Variants in JAM3 observed in about 807,000 individuals in gnomAD.
The protein encoded by JAM3 is junctional adhesion molecule C.
Under a neutral mutation model 39.4 loss-of-function variants are expected in JAM3, and 31 were observed. That is an observed-to-expected ratio of 0.79 (90% CI 0.59 to 1.06). The LOEUF (loss-of-function observed/expected upper bound fraction) is 1.06. Ranked by LOEUF, JAM3 falls within the 50% of genes least tolerant of loss-of-function variation. The pLI is 0.00. For missense variants in JAM3, 455 were observed against 391.4 expected (o/e 1.16, Z -1.37); for synonymous variants, 182 against 148.7 (o/e 1.22, Z -1.63).
At chr11:134,116,724 G>T (rs1228831498) in intron 1 of JAM3, among the ~76,000 whole-genome samples, 3 of 151,808 alleles carry the variant, frequency 2.0e-5, no homozygotes, top group African/African-American at 2.4e-5. Flanking sequence ...TGGTTATCAG[G>T]TGTCACTGCT....
chr11:134,143,233 C>G (rs1329563732), intron 3 of JAM3, among the ~76,000 whole-genome samples: 1 of 152,184 alleles, frequency 6.6e-6, no homozygotes, highest in Non-Finnish European at 1.5e-5. Flanking sequence ...TTCCCACATC[C>G]TTACCAACAC....
At chr11:134,122,347 G>A (rs1488546038) in intron 1 of JAM3, among the ~76,000 whole-genome samples, 1 of 152,176 alleles carries the variant, frequency 6.6e-6, no homozygotes, top group African/African-American at 2.4e-5. Flanking sequence ...TACTGAGAAT[G>A]TAATATTTAG....
intron 1 of JAM3, among the ~76,000 whole-genome samples, chr11:134,125,889 C>T (rs534329516): frequency 5.3e-5 from 8 of 152,148 alleles, no homozygotes; most frequent in African/African-American, 1.9e-4. Flanking sequence ...AGAAAAAGCA[C>T]CCCGATGGGT....
intron 1 of JAM3, among the ~76,000 whole-genome samples, chr11:134,111,066 C>G (rs545304382): frequency 7.0e-6 from 1 of 142,162 alleles, no homozygotes; most frequent in Admixed American, 7.2e-5. Flanking sequence ...TGAATTAATT[C>G]TTTGTTCTCA....
chr11:134,080,573 T>C (rs921334072), intron 1 of JAM3, among the ~76,000 whole-genome samples: 2 of 152,202 alleles, frequency 1.3e-5, no homozygotes, highest in African/African-American at 4.8e-5. Flanking sequence ...TCTCTTCTCT[T>C]GTCTGTCGCC....
chr11:134,095,985 ATTTG>A (rs1941975147), intron 1 of JAM3, among the ~76,000 whole-genome samples: 1 of 151,944 alleles, frequency 6.6e-6, no homozygotes, highest in Admixed American at 6.6e-5. Context: ...TTATTTATTT[ATTTG>A]TTTTTTTGAG....
At chr11:134,137,190 T>C (rs1384225492) in intron 1 of JAM3, among the ~76,000 whole-genome samples, 3 of 152,280 alleles carry the variant, frequency 2.0e-5, no homozygotes, top group Admixed American at 2.0e-4. Flanking sequence ...GAAGTGACGA[T>C]TGCCATTATT....
chr11:134,078,358 G>T, intron 1 of JAM3, among the ~76,000 whole-genome samples: 1 of 152,152 alleles, frequency 6.6e-6, no homozygotes, highest in East Asian at 1.9e-4. Flanking sequence ...GACCTCAGGT[G>T]ATCCACCTGC....
At chr11:134,123,996 A>G in intron 1 of JAM3, 1 of 1,514,594 alleles carries the variant, frequency 6.6e-7, no homozygotes, top group Non-Finnish European at 9.2e-7. Flanking sequence ...AAGTGCAACC[A>G]GCACAGGTGC....
chr11:134,090,059 GTGA>G lies in JAM3; in HGVS notation c.76+20907_76+20909del, dbSNP rs1294255951. 5.3e-5 allele frequency among the ~76,000 whole-genome samples: 8 copies of G among 152,366 alleles called. No individual in the cohort carries two copies. In the East Asian group the frequency reaches 1.3e-3, roughly 26 times the overall value. On this transcript the variant is annotated intron_variant, in intron 1 of 8. Coordinates refer to ENST00000299106, the MANE Select transcript of JAM3 (RefSeq NM_032801.5). ...TTGATTTGCATTTGTCTGATGGCCA[GTGA>G]TGATGAGCATTTTTTCATGTGTCTT...
Position 134,136,140 on chromosome 11 carries a change from A to AAGAG in JAM3, c.77-3710_77-3709insGAGA, listed in dbSNP as rs1942861073. Among the ~76,000 whole-genome samples the AAGAG allele has an allele frequency of 5.6e-5, 4 of 71,006 alleles. No homozygotes were observed. In the South Asian group the frequency reaches 1.6e-3, roughly 28 times the overall value. 46.6% of individuals were successfully genotyped at this position (71,006 alleles called of 152,430 possible). A position where few individuals can be genotyped will look rare whatever the true frequency, so the allele number is the denominator to read the frequency against. ...CTTAAGAGTATGATGGACAGGCCAA[A>AAGAG]ATAGGAAATTGAATAGGAATAACAG... On this transcript the variant is annotated intron_variant, in intron 1 of 8. Coordinates refer to ENST00000299106, the MANE Select transcript of JAM3 (RefSeq NM_032801.5).
At chr11:134,129,614 AACTT>A (rs1388434897) in intron 1 of JAM3, among the ~76,000 whole-genome samples, 16 of 152,230 alleles carry the variant, frequency 1.1e-4, no homozygotes, top group African/African-American at 2.7e-4. Flanking sequence ...TAAAATGTTT[AACTT>A]ACTTATCTTC....
At chr11:134,081,635 C>T (rs969945298) in intron 1 of JAM3, among the ~76,000 whole-genome samples, 4 of 152,210 alleles carry the variant, frequency 2.6e-5, no homozygotes, top group East Asian at 1.9e-4. Flanking sequence ...GCCTGGATGT[C>T]CAGGCAGAAG....
intron 1 of JAM3, among the ~76,000 whole-genome samples, chr11:134,139,152 T>A (rs1384190430): frequency 6.6e-6 from 1 of 152,248 alleles, no homozygotes; most frequent in East Asian, 1.9e-4. Context: ...GGTAAACAGG[T>A]TTCTGATGTT....
At chr11:134,069,747 G>C (rs1048826829) in intron 1 of JAM3, among the ~76,000 whole-genome samples, 3 of 152,206 alleles carry the variant, frequency 2.0e-5, no homozygotes, top group Non-Finnish European at 4.4e-5. Flanking sequence ...AGCGGGGGAC[G>C]TAGCTGAGGA....
chr11:134,120,149 C>T (rs1382702968), intron 1 of JAM3, among the ~76,000 whole-genome samples: 1 of 151,598 alleles, frequency 6.6e-6, no homozygotes, highest in East Asian at 2.0e-4. Context: ...CTAGGGTAGA[C>T]TCTGCGAAGC....
chr11:134,090,870 C>T (rs1941835493), intron 1 of JAM3, among the ~76,000 whole-genome samples: 1 of 152,076 alleles, frequency 6.6e-6, no homozygotes, highest in South Asian at 2.1e-4. Context: ...TGTATACATA[C>T]ACAATATGAA....
In JAM3 at chr11:134,094,445, C is replaced by T. The variant is rs1331283876; in HGVS notation, c.76+25286C>T. ...CTTCCTGAGGAAAGCTTCTCCTGAA[C>T]CCTCCTTATTCATCATGTTCCACCT... On this transcript the variant is annotated intron_variant, in intron 1 of 8. Transcript: ENST00000299106. Among the ~76,000 whole-genome samples, 4 of 137,306 alleles carry T rather than the reference C, an allele frequency of 2.9e-5. 1 individual carries two copies. The highest frequency in any genetic ancestry group is 1.2e-4 in the African/African-American group (4 of 34,698). 90.1% of individuals were successfully genotyped at this position (137,306 alleles called of 152,430 possible).
intron 1 of JAM3, among the ~76,000 whole-genome samples, chr11:134,095,608 C>T (rs963216298): frequency 5.4e-5 from 8 of 147,590 alleles, no homozygotes; most frequent in African/African-American, 1.0e-4. Context: ...TCCAGCCTGG[C>T]GACAGAATGA....
Sources: gnomAD v4.1 joint callset for allele counts (sites outside exome capture counted in the v4.1 genomes callset) on GRCh38, gnomAD v4.1.1 for gene constraint, MANE v1.5 for transcripts, NCBI Gene and HGNC (gene_info 2026-07-23, HGNC 2026-07-21) for gene names.